ZNF398: variants seen among roughly 807,000 people sequenced by gnomAD.
ZNF398 encodes the protein zinc finger protein 398, also known as zinc finger DNA binding protein ZER6.
ZNF398 carries 18 observed loss-of-function variants against 41.9 expected under a neutral mutation model. That is an observed-to-expected ratio of 0.43 (90% CI 0.30 to 0.64). The LOEUF (loss-of-function observed/expected upper bound fraction) is 0.64. Among genes scored for constraint, ZNF398 ranks in the 30% least tolerant of loss-of-function variants. The pLI is 0.14. For synonymous variants in ZNF398, 260 were observed against 308.8 expected, an observed-to-expected ratio of 0.84 and a Z score of 1.66; for missense variants, 669 against 822.8, an observed-to-expected ratio of 0.81 and a Z score of 2.29.
chr7:149,147,905 C>G lies in ZNF398; in HGVS notation c.24+139C>G, dbSNP rs554310682. The G allele has an allele frequency of 2.3e-5, 25 of 1,077,768 alleles. No individual in the cohort carries two copies. The African/African-American group carries it at 3.5e-4, about 15-fold the overall frequency. The allele number at this position is 1,077,768 out of a possible 1,614,324, so 66.8% of individuals were successfully genotyped here. On this transcript the variant is annotated intron_variant, in intron 1 of 5. Transcript: ENST00000475153. This position sits in a 1 kb window ranked among gnomAD's most constrained non-coding sequence, Gnocchi z 5.6. ...CACGTCGCCTGTCGCCCGTGCTTGG[C>G]GGCTGCAGCCTCGCGTGAGGGGACT... is the stretch of plus-strand genomic sequence containing the variant.
intron 2 of ZNF398, among the ~76,000 whole-genome samples, chr7:149,130,355 C>G (rs11981368): frequency 0.035 from 5,401 of 152,294 alleles, 311 homozygotes; most frequent in African/African-American, 0.12. Context: ...CTTGGCCTCC[C>G]AAAGTGCTGG....
intron 4 of ZNF398, among the ~76,000 whole-genome samples, chr7:149,167,767 C>G (rs1397724795): frequency 6.6e-6 from 1 of 151,562 alleles, no homozygotes; most frequent in Non-Finnish European, 1.5e-5. Context: ...CCCGCCACCA[C>G]GTCCGGATAA....
At chr7:149,148,127 G>A in intron 1 of ZNF398, 1 of 257,826 alleles carries the variant, frequency 3.9e-6, no homozygotes, top group Non-Finnish European at 7.4e-6. Flanking sequence ...CCATTCTCGC[G>A]GCCGCGGGAG....
chr7:149,138,719 G>GTGAT (rs1826764625), intron 2 of ZNF398, among the ~76,000 whole-genome samples: 1 of 152,162 alleles, frequency 6.6e-6, no homozygotes, highest in Non-Finnish European at 1.5e-5. Flanking sequence ...AATGCTTCGA[G>GTGAT]TGATTGTCTC....
At chr7:149,173,490 A>G (rs920830515) in intron 4 of ZNF398, among the ~76,000 whole-genome samples, 1 of 151,972 alleles carries the variant, frequency 6.6e-6, no homozygotes, top group African/African-American at 2.4e-5. Flanking sequence ...TAAATTTCTT[A>G]TGCAATAAGA....
chr7:149,169,311 C>T (rs1041336494), intron 4 of ZNF398, among the ~76,000 whole-genome samples: 1 of 151,932 alleles, frequency 6.6e-6, no homozygotes, highest in Non-Finnish European at 1.5e-5. Flanking sequence ...TCTTGAACTC[C>T]TGACCTCAGG....
chr7:149,151,015 A>T (rs1827097272), intron 1 of ZNF398, among the ~76,000 whole-genome samples: 1 of 152,170 alleles, frequency 6.6e-6, no homozygotes, highest in Non-Finnish European at 1.5e-5. Flanking sequence ...TGGCCCCTCC[A>T]GCTGATTCTT....
chr7:149,155,819 C>T lies in ZNF398; in HGVS notation c.420+1479C>T, dbSNP rs910942481. 2.5e-3 allele frequency among the ~76,000 whole-genome samples: 372 copies of T among 149,714 alleles called. 5 individuals carry two copies. Among genetic ancestry groups the T allele is most frequent in the Non-Finnish European group, 1.4e-3 (95 of 67,558 alleles). On this transcript the variant is annotated intron_variant, in intron 2 of 5. Transcript: ENST00000475153. ...TCGGCTCACTGCAAGCTCTGCCTCCCGGGTTCACGCCATTCTCCTGCCTCA... is the reference window on the plus strand; with the variant it reads ...TCGGCTCACTGCAAGCTCTGCCTCCTGGGTTCACGCCATTCTCCTGCCTCA...
intron 1 of ZNF398, chr7:149,148,006 T>A: frequency 2.5e-6 from 1 of 398,202 alleles, no homozygotes. Flanking sequence ...CGCAGGCAGC[T>A]ATGAGACCCG....
intron 2 of ZNF398, among the ~76,000 whole-genome samples, chr7:149,155,708 T>TA (rs1320419899): frequency 0.022 from 254 of 11,344 alleles, no homozygotes; most frequent in East Asian, 0.049. Context: ...TATATATATA[T>TA]TTTTTTTTTT....
chr7:149,157,129 T>G (rs984654530), intron 2 of ZNF398, among the ~76,000 whole-genome samples: 1 of 152,052 alleles, frequency 6.6e-6, no homozygotes, highest in Non-Finnish European at 1.5e-5. Context: ...GGGGAATACC[T>G]TGGGAAAGTG....
intron 4 of ZNF398, among the ~76,000 whole-genome samples, chr7:149,167,225 T>A (rs1358112547): frequency 6.6e-6 from 1 of 152,226 alleles, no homozygotes; most frequent in African/African-American, 2.4e-5. Flanking sequence ...GAGGCAGTCA[T>A]GCTCATCTGG....
intron 5 of ZNF398, among the ~76,000 whole-genome samples, chr7:149,177,313 C>G (rs1795483954): frequency 6.6e-6 from 1 of 151,986 alleles, no homozygotes; most frequent in South Asian, 2.1e-4. Context: ...GAACATGCAT[C>G]AGGTTTGGCT....
chr7:149,153,106 A>G (rs767651198), intron 1 of ZNF398, among the ~76,000 whole-genome samples: 6 of 150,870 alleles, frequency 4.0e-5, no homozygotes, highest in Non-Finnish European at 8.9e-5. Context: ...TGATCTGCCC[A>G]CCTCGGCCTC....
intron 3 of ZNF398, among the ~76,000 whole-genome samples, chr7:149,166,514 G>A (rs2129521162): frequency 6.6e-6 from 1 of 152,312 alleles, no homozygotes; most frequent in East Asian, 1.9e-4. Flanking sequence ...GTGACAGCTG[G>A]TGGTTTCCAT....
At chr7:149,155,262 A>C (rs919656104) in intron 2 of ZNF398, among the ~76,000 whole-genome samples, 1 of 152,102 alleles carries the variant, frequency 6.6e-6, no homozygotes, top group African/African-American at 2.4e-5. Context: ...TCTATTAAAC[A>C]TACAAAAATT....
chr7:149,150,702 C>T (rs555367614), intron 1 of ZNF398, among the ~76,000 whole-genome samples: 33 of 100,644 alleles, frequency 3.3e-4, no homozygotes, highest in African/African-American at 1.0e-3. Flanking sequence ...CCCCGCCTCC[C>T]GCGCCCCCCC....
intron 2 of ZNF398, among the ~76,000 whole-genome samples, chr7:149,138,408 C>T (rs761900079): frequency 1.3e-5 from 2 of 151,910 alleles, no homozygotes; most frequent in African/African-American, 2.4e-5. Flanking sequence ...GGCGAAATAC[C>T]ATCTCTACTA....
intron 2 of ZNF398, among the ~76,000 whole-genome samples, chr7:149,141,994 G>A (rs150902766): frequency 6.6e-6 from 1 of 152,202 alleles, no homozygotes; most frequent in Non-Finnish European, 1.5e-5. Flanking sequence ...TGCCACTCAG[G>A]CTGGAATGCA....
Sources: gnomAD v4.1 joint callset for allele counts (sites outside exome capture counted in the v4.1 genomes callset) on GRCh38, gnomAD v4.1.1 for gene constraint, Gnocchi (gnomAD v3.1) non-coding constraint, MANE v1.5 for transcripts, NCBI Gene and HGNC (gene_info 2026-07-23, HGNC 2026-07-21) for gene names.